Variants in TSPOAP1 observed in about 807,000 individuals in gnomAD.
TSPOAP1 encodes the protein peripheral-type benzodiazepine receptor-associated protein 1.
In TSPOAP1, 87 loss-of-function variants were observed where a neutral mutation model predicts 197.0. The observed-to-expected ratio is 0.44, with a 90% CI of 0.37 to 0.53. The LOEUF is 0.53. Among genes scored for constraint, TSPOAP1 ranks in the 20% least tolerant of loss-of-function variants. The pLI is 0.00. For missense variants in TSPOAP1, 2,174 were observed against 2,411.3 expected (o/e 0.90, Z 2.06); for synonymous variants, 913 against 998.9 (o/e 0.91, Z 1.62).
Position 58,322,542 on chromosome 17 carries a change from A to C in TSPOAP1, c.1317+112T>G. Reference sequence around the variant, plus strand: ...TTACAAAGGAAACTGAGCCTGGAGCAGCTCCAGGCCCAGGCCTCAGAGCTA... The same window carrying C: ...TTACAAAGGAAACTGAGCCTGGAGCCGCTCCAGGCCCAGGCCTCAGAGCTA... On this transcript the variant is annotated intron_variant, in intron 9 of 31. Coordinates refer to ENST00000343736, the MANE Select transcript of TSPOAP1 (RefSeq NM_004758.4). The surrounding 1 kb of genome is among the most constrained non-coding windows in gnomAD (Gnocchi z 5.0). 6.5e-7 allele frequency: 1 copy of C among 1,544,396 alleles called. No homozygotes were observed. The highest frequency in any genetic ancestry group is 8.7e-7 in the Non-Finnish European group (1 of 1,143,522).
chr17:58,315,073 G>GT (rs1035966314), intron 16 of TSPOAP1, among the ~76,000 whole-genome samples: 7 of 151,556 alleles, frequency 4.6e-5, no homozygotes, highest in Admixed American at 6.6e-5. Flanking sequence ...TTTGGGTGGG[G>GT]TTTTTTTTTC....
In TSPOAP1 at chr17:58,319,144, G is replaced by T. The variant is rs886955156; in HGVS notation, c.1645C>A (p.Pro549Thr). The T allele has an allele frequency of 5.8e-6, 9 of 1,553,102 alleles. No homozygotes were observed. The highest frequency in any genetic ancestry group is 7.8e-6 in the Non-Finnish European group (9 of 1,146,708). ...LDCGSLGDCP[P>T]PPCCCSIPQP... ...GGAATGGAGCAGCAGCAGGGGGGTG[G>T]TGGGCAGTCTCCAAGGCTCCCACAG... is the stretch of plus-strand genomic sequence containing the variant. The change falls in exon 13 of 32, where the codon CCA becomes ACA. Residue 549 changes from proline to threonine, a missense_variant. Transcript: ENST00000343736.
chr17:58,312,229 G>A lies in TSPOAP1; in HGVS notation c.2592C>T (p.Ser864=), dbSNP rs1971096231. ...AGCGCAGTGGGTCAGAGCTGCCCCGGCTAGTCAGGGCCTGGACAGAAATGT... is the reference window on the plus strand; with the variant it reads ...AGCGCAGTGGGTCAGAGCTGCCCCGACTAGTCAGGGCCTGGACAGAAATGT... ...PLHISVQALT[S]RGSSDPLRCC... The change falls in exon 17 of 32, where the codon AGC becomes AGT. Residue 864 remains serine, a synonymous_variant. Coordinates refer to ENST00000343736, the MANE Select transcript of TSPOAP1 (RefSeq NM_004758.4). 6.2e-7 allele frequency: 1 copy of A among 1,612,652 alleles called. No homozygotes were observed. The highest frequency in any genetic ancestry group is 8.5e-7 in the Non-Finnish European group (1 of 1,179,860).
At chr17:58,315,619 C>G (rs971077080) in intron 16 of TSPOAP1, among the ~76,000 whole-genome samples, 10 of 152,218 alleles carry the variant, frequency 6.6e-5, no homozygotes, top group Non-Finnish European at 1.3e-4. Flanking sequence ...ATTCCTCCTT[C>G]GCATACCTGA....
intron 20 of TSPOAP1, 38 bp from the exon 21 acceptor site, chr17:58,310,196 G>A (rs1971037913): frequency 6.3e-7 from 1 of 1,587,704 alleles, no homozygotes; most frequent in Non-Finnish European, 8.6e-7. Context: ...GATAAGGACA[G>A]TGAGGGGGCA....
At chr17:58,320,353 C>T (rs143333201) in intron 11 of TSPOAP1, among the ~76,000 whole-genome samples, 178 bp downstream of exon 11, 1,534 of 152,294 alleles carry the variant, frequency 0.01, 24 homozygotes, top group African/African-American at 0.035. Context: ...CCCTGCCCAG[C>T]CGTGCCCACC....
At position 58,320,256 on chromosome 17, in the gene TSPOAP1, A is replaced by C. The variant is rs377601792; in HGVS notation, c.1474-127T>G. 1,288 of 1,192,258 alleles carry C rather than the reference A, an allele frequency of 1.1e-3. 19 individuals are homozygous for C. In the South Asian group the frequency reaches 0.014, roughly 13 times the overall value. 73.9% of individuals were successfully genotyped at this position (1,192,258 alleles called of 1,614,324 possible). ...CAGTCAGCTCCCTGGACTGACTAGCAGTTCCTAAATGGAAGGATATCTCAG... is the reference window on the plus strand; with the variant it reads ...CAGTCAGCTCCCTGGACTGACTAGCCGTTCCTAAATGGAAGGATATCTCAG... On this transcript the variant is annotated intron_variant, in intron 11 of 31. Transcript: ENST00000343736.
In TSPOAP1 at chr17:58,304,946, T is replaced by G; in HGVS notation, c.5544+115A>C. The G allele has an allele frequency of 1.2e-6, 1 of 800,636 alleles. No individual in the cohort carries two copies. 49.6% of individuals were successfully genotyped at this position (800,636 alleles called of 1,614,324 possible). A position where few individuals can be genotyped will look rare whatever the true frequency, so the allele number is the denominator to read the frequency against. On this transcript the variant is annotated intron_variant, in intron 30 of 31. Transcript: ENST00000343736. The surrounding 1 kb of genome is among the most constrained non-coding windows in gnomAD (Gnocchi z 4.2). Reference sequence around the variant, plus strand: ...ATTAGCGGCTGCACGCTGGACACAGTGCTTACCTGCATGACCACCCCAGCT... The same window carrying G: ...ATTAGCGGCTGCACGCTGGACACAGGGCTTACCTGCATGACCACCCCAGCT...
At chr17:58,305,902 C>G in intron 26 of TSPOAP1, 37 bp from the exon 27 acceptor site, 1 of 1,604,330 alleles carries the variant, frequency 6.2e-7, no homozygotes, top group Non-Finnish European at 8.5e-7. Context: ...CCCTCCCACC[C>G]TGCCCACCCA....
chr17:58,322,203 C>T lies in TSPOAP1; in HGVS notation c.1422+105G>A. The T allele has an allele frequency of 8.5e-7, 1 of 1,171,526 alleles. No individual in the cohort carries two copies. Among genetic ancestry groups the T allele is most frequent in the Non-Finnish European group, 1.2e-6 (1 of 821,296 alleles). The allele number at this position is 1,171,526 out of a possible 1,614,324, so 72.6% of individuals were successfully genotyped here. On this transcript the variant is annotated intron_variant, in intron 10 of 31. Coordinates refer to ENST00000343736, the MANE Select transcript of TSPOAP1 (RefSeq NM_004758.4). This position sits in a 1 kb window ranked among gnomAD's most constrained non-coding sequence, Gnocchi z 5.0. ...CCTGGTCTTTGTTCCCCACAGTCTC[C>T]CCGACGCCTAGCACAGTGCCGGGCA... is the stretch of plus-strand genomic sequence containing the variant.
At chr17:58,318,214 G>A in intron 14 of TSPOAP1, 66 bp downstream of exon 14, 1 of 1,572,568 alleles carries the variant, frequency 6.4e-7, no homozygotes, top group Non-Finnish European at 8.7e-7. Flanking sequence ...GAAGAGGTCA[G>A]GGCCACCTGC....
Position 58,327,863 on chromosome 17 carries a change from CCCATGGCT to C in TSPOAP1, c.50_57del (p.Glu17GlyfsTer7), listed in dbSNP as rs758347390. 1 of 1,612,388 alleles carries C rather than the reference CCCATGGCT, an allele frequency of 6.2e-7. No homozygotes were observed. The highest frequency in any genetic ancestry group is 8.5e-7 in the Non-Finnish European group (1 of 1,178,892). On this transcript the variant is annotated frameshift_variant, in exon 1 of 32. Coordinates refer to ENST00000343736, the MANE Select transcript of TSPOAP1 (RefSeq NM_004758.4). LOFTEE classifies it high-confidence loss of function. ...GTCCAGCTATGCCAGGTGGGCAGTG[CCCATGGCT>C]CCATGGCTCCAGGGTCCCCAGGCCG...
chr17:58,324,798 C>G lies in TSPOAP1; in HGVS notation c.942+13G>C. ...GCACGCACCCACACACCTGCCCTTG[C>G]GCCGGCGCTCACCTCTCCCGGGGCC... On this transcript the variant is annotated intron_variant, in intron 5 of 31. Transcript: ENST00000343736. This position sits in a 1 kb window ranked among gnomAD's most constrained non-coding sequence, Gnocchi z 5.8. 1 of 1,446,528 alleles carries G rather than the reference C, an allele frequency of 6.9e-7. No individual in the cohort carries two copies. The highest frequency in any genetic ancestry group is 9.1e-7 in the Non-Finnish European group (1 of 1,103,960). 89.6% of individuals were successfully genotyped at this position (1,446,528 alleles called of 1,614,324 possible). A position where few individuals can be genotyped will look rare whatever the true frequency, so the allele number is the denominator to read the frequency against.
chr17:58,322,390 C>T lies in TSPOAP1; in HGVS notation c.1340G>A (p.Arg447Gln), dbSNP rs375661335. The T allele has an allele frequency of 5.7e-5, 91 of 1,606,368 alleles. No homozygotes were observed. Among genetic ancestry groups the T allele is most frequent in the Non-Finnish European group, 6.9e-5 (82 of 1,179,990 alleles). Residue 447 changes from arginine (R) to glutamine (Q), a missense_variant, in exon 10 of 32, where the codon CGG becomes CAG. Physicochemically the swap from Arg to Gln is conservative, Grantham distance 43 (BLOSUM62 1). This residue lies in a region of TSPOAP1 where 1,933 missense variants were observed against 2,139.0 expected (regional missense o/e 0.90). Transcript: ENST00000343736. This position sits in a 1 kb window ranked among gnomAD's most constrained non-coding sequence, Gnocchi z 5.0. ...VLKHMREVAQ[R>Q]RQQLEVEHEQ... Reference sequence around the variant, plus strand: ...ATGCTCCACCTCCAGCTGCTGCCGCCGCTGGGCCACCTCCCGCATGTGCTG... The same window carrying T: ...ATGCTCCACCTCCAGCTGCTGCCGCTGCTGGGCCACCTCCCGCATGTGCTG...
In TSPOAP1 at chr17:58,305,858, C is replaced by T. The variant is rs139473278; in HGVS notation, c.5232G>A (p.Ser1744=). 9.9e-6 allele frequency: 16 copies of T among 1,612,658 alleles called. No individual in the cohort carries two copies. The highest frequency in any genetic ancestry group is 4.4e-5 in the South Asian group (4 of 91,066). The stretch of plus-strand genomic sequence containing the variant: ...CTGGACAGGGCTGGGCAGGGCCTTC[C>T]GACTCAGCTGTGGAAAGAATGTGCC... ...PKPRRSKKAE[S]EGPAQPCPGP... is the part of the protein sequence containing the mutation. The change falls in exon 27 of 32, where the codon TCG becomes TCA. Residue 1744 remains serine, a synonymous_variant. Coordinates refer to ENST00000343736, the MANE Select transcript of TSPOAP1 (RefSeq NM_004758.4).
At chr17:58,316,393 G>A in intron 15 of TSPOAP1, 32 bp downstream of exon 15, 1 of 1,571,966 alleles carries the variant, frequency 6.4e-7, no homozygotes, top group Non-Finnish European at 8.7e-7. Flanking sequence ...TGCTGGGGCT[G>A]GGCTAGGGGG....
rs930744094 is a variant in TSPOAP1, at chr17:58,301,473, G to A, written c.*1007C>T. The A allele has an allele frequency of 6.6e-6, 1 of 152,644 alleles. No individual in the cohort carries two copies. Among genetic ancestry groups the A allele is most frequent in the African/African-American group, 2.4e-5 (1 of 41,464 alleles). The allele number at this position is 152,644 out of a possible 1,614,324, so 9.5% of individuals were successfully genotyped here. ...TGTATGAAAATAGCTGCATAAATCTGTCCTTTTCTCCAGCCCCTGGACTCC... is the reference window on the plus strand; with the variant it reads ...TGTATGAAAATAGCTGCATAAATCTATCCTTTTCTCCAGCCCCTGGACTCC... On this transcript the variant is annotated 3_prime_UTR_variant, in exon 32 of 32. Transcript: ENST00000343736.
At position 58,301,632 on chromosome 17, in the gene TSPOAP1, G is replaced by C. The variant is rs554971404; in HGVS notation, c.*848C>G. The C allele has an allele frequency of 6.5e-6, 1 of 152,698 alleles. No homozygotes were observed. The highest frequency in any genetic ancestry group is 2.1e-4 in the South Asian group (1 of 4,844). The allele number at this position is 152,698 out of a possible 1,614,324, so 9.5% of individuals were successfully genotyped here. ...GACCTTACAGGGGCCAGCAGGCCCC[G>C]GCAGGGAAGGATGGAGCACGACGGG... On this transcript the variant is annotated 3_prime_UTR_variant, in exon 32 of 32. Coordinates refer to ENST00000343736, the MANE Select transcript of TSPOAP1 (RefSeq NM_004758.4).
At position 58,318,313 on chromosome 17, in the gene TSPOAP1, G is replaced by A. The variant is rs1971300760; in HGVS notation, c.1839C>T (p.Ile613=). 8 of 1,614,220 alleles carry A rather than the reference G, an allele frequency of 5.0e-6. No homozygotes were observed. Among genetic ancestry groups the A allele is most frequent in the Non-Finnish European group, 6.8e-6 (8 of 1,180,024 alleles). ...TAGGGCATGACTTGGGGCTGTTGTG[G>A]ATGGACTCGGAGTGGGAGGAGTTGG... ...SLSNSSHSES[I]HNSPKSCPTP... is the part of the protein sequence containing the mutation. The change falls in exon 14 of 32, where the codon ATC becomes ATT. Residue 613 remains isoleucine (I), a synonymous_variant. Transcript: ENST00000343736.
Sources: gnomAD v4.1 joint callset for allele counts (sites outside exome capture counted in the v4.1 genomes callset) on GRCh38, gnomAD v4.1.1 for gene constraint, gnomAD v4.1.1 regional missense constraint, Gnocchi (gnomAD v3.1) non-coding constraint, MANE v1.5 for transcripts, NCBI Gene and HGNC (gene_info 2026-07-23, HGNC 2026-07-21) for gene names.